ELAPOR1: variants seen among roughly 807,000 people sequenced by gnomAD.
The protein encoded by ELAPOR1 is endosome/lysosome-associated apoptosis and autophagy regulator 1.
ELAPOR1 carries 77 observed loss-of-function variants against 119.7 expected under a neutral mutation model. The observed-to-expected ratio is 0.64, with a 90% CI of 0.54 to 0.78. The LOEUF (loss-of-function observed/expected upper bound fraction) is 0.78. Ranked by LOEUF, ELAPOR1 falls within the 30% of genes least tolerant of loss-of-function variation. The pLI, the probability that ELAPOR1 is intolerant of heterozygous loss-of-function variation, is 0.00. For missense variants in ELAPOR1, 1,115 were observed against 1,270.4 expected (o/e 0.88, Z 1.86); for synonymous variants, 481 against 487.2 (o/e 0.99, Z 0.17).
intron 1 of ELAPOR1, among the ~76,000 whole-genome samples, chr1:109,155,424 C>T (rs1471092560): frequency 2.0e-5 from 3 of 152,134 alleles, no homozygotes; most frequent in South Asian, 2.1e-4. Flanking sequence ...GTGATCCACT[C>T]GCCTTGGCCT....
chr1:109,188,842 G>T (rs936709232), intron 9 of ELAPOR1, among the ~76,000 whole-genome samples: 1 of 152,222 alleles, frequency 6.6e-6, no homozygotes, highest in African/African-American at 2.4e-5. Context: ...TGGGCAAATA[G>T]GATGGTTGGC....
At chr1:109,146,313 T>C (rs910746408) in intron 1 of ELAPOR1, among the ~76,000 whole-genome samples, 1 of 119,118 alleles carries the variant, frequency 8.4e-6, no homozygotes, top group African/African-American at 2.8e-5. Context: ...AGAGTGAGAC[T>C]CTGTCTCAAT....
At chr1:109,193,875 G>T (rs1483875355) in intron 14 of ELAPOR1, among the ~76,000 whole-genome samples, 1 of 152,176 alleles carries the variant, frequency 6.6e-6, no homozygotes, top group African/African-American at 2.4e-5. Flanking sequence ...TGACAGTTGT[G>T]TGCGGCTACC....
chr1:109,144,055 T>TA lies in ELAPOR1; in HGVS notation c.154-17839_154-17838insA, dbSNP rs1558029151. Among the ~76,000 whole-genome samples, 294 of 64,302 alleles carry TA rather than the reference T, an allele frequency of 4.6e-3. 8 individuals are homozygous for TA. Among genetic ancestry groups the TA allele is most frequent in the Middle Eastern group, 0.012 (1 of 86 alleles). The allele number at this position is 64,302 out of a possible 152,430, so 42.2% of individuals were successfully genotyped here. A position where few individuals can be genotyped will look rare whatever the true frequency, so the allele number is the denominator to read the frequency against. ...AAATTATATATATATATATATATATTTATATATTTTTTTTTTTTTTTGAGA... is the reference window on the plus strand; with the variant it reads ...AAATTATATATATATATATATATATTATATATATTTTTTTTTTTTTTTGAGA... On this transcript the variant is annotated intron_variant, in intron 1 of 21. Transcript: ENST00000369939.
intron 1 of ELAPOR1, among the ~76,000 whole-genome samples, chr1:109,118,761 A>C (rs1020630754): frequency 1.3e-5 from 2 of 152,092 alleles, no homozygotes; most frequent in Non-Finnish European, 2.9e-5. Flanking sequence ...TAGGGAGCAG[A>C]GTGTTCCCTG....
intron 1 of ELAPOR1, among the ~76,000 whole-genome samples, chr1:109,160,754 T>C (rs374240039): frequency 5.9e-5 from 9 of 152,320 alleles, no homozygotes; most frequent in African/African-American, 2.2e-4. Context: ...TTTAGGTAAG[T>C]GTAGATTGTA....
intron 1 of ELAPOR1, among the ~76,000 whole-genome samples, chr1:109,150,154 G>A (rs926452442): frequency 4.6e-5 from 7 of 152,210 alleles, no homozygotes; most frequent in African/African-American, 9.6e-5. Context: ...GGCCCAGAGC[G>A]TGGTGATACA....
chr1:109,165,394 C>G (rs1651526491), intron 3 of ELAPOR1, among the ~76,000 whole-genome samples: 1 of 151,974 alleles, frequency 6.6e-6, no homozygotes, highest in Admixed American at 6.6e-5. Context: ...CAAGACCAAC[C>G]TGGCCATGGT....
intron 3 of ELAPOR1, among the ~76,000 whole-genome samples, chr1:109,168,903 T>C (rs1274159619): frequency 6.6e-6 from 1 of 152,204 alleles, no homozygotes. Flanking sequence ...GTTGTTATTA[T>C]TGAATATGAA....
intron 1 of ELAPOR1, among the ~76,000 whole-genome samples, chr1:109,161,147 C>T (rs777734167): frequency 1.3e-5 from 2 of 152,022 alleles, no homozygotes; most frequent in Non-Finnish European, 2.9e-5. Flanking sequence ...CGTGGTGGCT[C>T]ATGCCTGTAA....
At chr1:109,148,116 C>A (rs1353961129) in intron 1 of ELAPOR1, among the ~76,000 whole-genome samples, 1 of 151,400 alleles carries the variant, frequency 6.6e-6, no homozygotes, top group African/African-American at 2.4e-5. Flanking sequence ...GGATTACAGG[C>A]GTGAGCCACC....
chr1:109,178,978 A>G (rs2101077887), intron 7 of ELAPOR1, among the ~76,000 whole-genome samples: 1 of 149,544 alleles, frequency 6.7e-6, no homozygotes, highest in East Asian at 1.9e-4. Flanking sequence ...AAAAAAAAGA[A>G]TGTAGTGGAG....
intron 3 of ELAPOR1, among the ~76,000 whole-genome samples, chr1:109,167,519 C>T (rs1363537974): frequency 6.6e-6 from 1 of 152,222 alleles, no homozygotes; most frequent in Non-Finnish European, 1.5e-5. Flanking sequence ...CAAATCCTGC[C>T]TGCTCTGCCT....
At chr1:109,158,789 A>C (rs1020596062) in intron 1 of ELAPOR1, among the ~76,000 whole-genome samples, 6 of 152,188 alleles carry the variant, frequency 3.9e-5, no homozygotes, top group African/African-American at 1.4e-4. Context: ...GTAACAGATC[A>C]CTGAGTAAAC....
At chr1:109,185,742 G>A (rs899167236) in intron 8 of ELAPOR1, among the ~76,000 whole-genome samples, 4 of 152,176 alleles carry the variant, frequency 2.6e-5, no homozygotes, top group Non-Finnish European at 4.4e-5. Context: ...TGTATGAGAG[G>A]CTGGAGAGAG....
At chr1:109,146,066 C>G (rs1342611100) in intron 1 of ELAPOR1, among the ~76,000 whole-genome samples, 1 of 152,128 alleles carries the variant, frequency 6.6e-6, no homozygotes, top group African/African-American at 2.4e-5. Context: ...AATCCCAGCA[C>G]TGTGGGAAGC....
intron 7 of ELAPOR1, among the ~76,000 whole-genome samples, chr1:109,184,453 A>G (rs960827158): frequency 4.6e-5 from 7 of 152,222 alleles, no homozygotes; most frequent in Admixed American, 3.3e-4. Flanking sequence ...GTGGAGTCCA[A>G]GGAAATTACA....
chr1:109,181,141 A>G (rs1652668966), intron 7 of ELAPOR1, among the ~76,000 whole-genome samples: 1 of 152,228 alleles, frequency 6.6e-6, no homozygotes, highest in Non-Finnish European at 1.5e-5. Flanking sequence ...GAGCTTCACA[A>G]AAGCATGAGC....
intron 1 of ELAPOR1, among the ~76,000 whole-genome samples, chr1:109,117,827 G>T (rs1648122014): frequency 6.6e-6 from 1 of 152,018 alleles, no homozygotes; most frequent in South Asian, 2.1e-4. Context: ...GATAGGAAAA[G>T]AAAGAAGAAA....
Sources: gnomAD v4.1 joint callset for allele counts (sites outside exome capture counted in the v4.1 genomes callset) on GRCh38, gnomAD v4.1.1 for gene constraint, MANE v1.5 for transcripts, NCBI Gene and HGNC (gene_info 2026-07-23, HGNC 2026-07-21) for gene names.